CCNY: variants seen among roughly 807,000 people sequenced by gnomAD.
CCNY encodes cyclin-Y.
Under a neutral mutation model 42.8 loss-of-function variants are expected in CCNY, and 19 were observed. The ratio of observed to expected loss-of-function variants is 0.44; its 90% CI spans 0.31 to 0.65. The LOEUF (loss-of-function observed/expected upper bound fraction) is 0.65, where lower values mean the gene tolerates loss of function less well. Ranked by LOEUF, CCNY falls within the 30% of genes least tolerant of loss-of-function variation. The probability of loss-of-function intolerance (pLI) is 0.07; values close to 1 mark genes in which losing one functional copy is unlikely to be tolerated. For synonymous variants in CCNY, 165 were observed against 162.7 expected (o/e 1.01, Z -0.11); for missense variants, 370 against 437.3 (o/e 0.85, Z 1.37).
chr10:35,358,215 CT>C (rs34172111), intron 1 of CCNY, among the ~76,000 whole-genome samples: 40,855 of 135,494 alleles, frequency 0.3, 5,787 homozygotes, highest in Admixed American at 0.36. Context: ...TTAAGCAAGT[CT>C]TTTTTTTTTT....
rs973613021 is a variant in CCNY, at chr10:35,393,054, C to G, written c.154+55847C>G. On this transcript the variant is annotated intron_variant, in intron 1 of 9. Coordinates refer to ENST00000374704, the MANE Select transcript of CCNY (RefSeq NM_145012.6). ...AGTTATTTTCCATCCACTGACCCTG[C>G]TCCCTCTGCGCATTGGTGCTAAGTC... Among the ~76,000 whole-genome samples, 22 of 152,174 alleles carry G rather than the reference C, an allele frequency of 1.4e-4. 1 individual carries two copies. Among genetic ancestry groups the G allele is most frequent in the African/African-American group, 5.1e-4 (21 of 41,440 alleles).
intron 1 of CCNY, among the ~76,000 whole-genome samples, chr10:35,368,031 A>G (rs185435452): frequency 6.6e-6 from 1 of 152,238 alleles, no homozygotes; most frequent in Non-Finnish European, 1.5e-5. Context: ...ACTTAGGTGC[A>G]TATGCTAGGA....
chr10:35,261,653 C>T (rs2095719763), intron 3 of CCNY, among the ~76,000 whole-genome samples: 1 of 152,098 alleles, frequency 6.6e-6, no homozygotes. Context: ...TACAGTGAGC[C>T]ACCATGATGC....
chr10:35,510,006 C>G (rs1038054193), intron 3 of CCNY, among the ~76,000 whole-genome samples: 2 of 152,246 alleles, frequency 1.3e-5, no homozygotes, highest in African/African-American at 4.8e-5. Context: ...TTCGTTCATT[C>G]CTAGTCAAGG....
intron 1 of CCNY, among the ~76,000 whole-genome samples, chr10:35,382,972 A>G (rs1445324873): frequency 6.6e-6 from 1 of 152,242 alleles, no homozygotes; most frequent in Non-Finnish European, 1.5e-5. Context: ...TTAGTACTAC[A>G]CAGCTGACCC....
At chr10:35,550,628 G>A (rs979511726) in intron 7 of CCNY, among the ~76,000 whole-genome samples, 3 of 152,050 alleles carry the variant, frequency 2.0e-5, no homozygotes, top group Admixed American at 2.0e-4. Context: ...ATGTTTTCTT[G>A]TGCAAGAGGA....
At chr10:35,412,056 T>G (rs1411845121) in intron 1 of CCNY, among the ~76,000 whole-genome samples, 3 of 152,192 alleles carry the variant, frequency 2.0e-5, no homozygotes, top group Non-Finnish European at 4.4e-5. Context: ...TGAGACATGC[T>G]GTTCTCATGG....
intron 1 of CCNY, among the ~76,000 whole-genome samples, chr10:35,479,358 A>G (rs1839603531): frequency 1.4e-5 from 2 of 147,198 alleles, no homozygotes; most frequent in South Asian, 2.2e-4. Context: ...AACCAACCCA[A>G]ATGTCCAACA....
At chr10:35,356,817 C>T (rs184757690) in intron 1 of CCNY, among the ~76,000 whole-genome samples, 2 of 152,342 alleles carry the variant, frequency 1.3e-5, no homozygotes, top group Admixed American at 6.5e-5. Flanking sequence ...CTCTCTCTCT[C>T]TCCTTAACAG....
chr10:35,493,300 C>G, intron 2 of CCNY, among the ~76,000 whole-genome samples: 2 of 152,334 alleles, frequency 1.3e-5, no homozygotes, highest in East Asian at 1.9e-4. Context: ...ATAATTCCCC[C>G]AGGCTGGGGG....
chr10:35,485,585 T>C (rs140467540), intron 2 of CCNY, among the ~76,000 whole-genome samples: 1,578 of 151,906 alleles, frequency 0.01, 24 homozygotes, highest in African/African-American at 0.036. Flanking sequence ...ATTAGCTGGG[T>C]GTGGTGGCGG....
At chr10:35,416,277 T>C (rs1838023791) in intron 1 of CCNY, among the ~76,000 whole-genome samples, 1 of 152,028 alleles carries the variant, frequency 6.6e-6, no homozygotes, top group African/African-American at 2.4e-5. Flanking sequence ...GTAGATGTGC[T>C]GTTTAGCCAG....
chr10:35,406,886 C>T (rs1028899355), intron 1 of CCNY, among the ~76,000 whole-genome samples: 26 of 152,032 alleles, frequency 1.7e-4, no homozygotes, highest in Middle Eastern at 3.4e-3. Flanking sequence ...CCGTCCCCGT[C>T]GGGGCGGCCG....
rs116081230 is a variant in CCNY at position 35,468,284 on chromosome 10, T to A, written c.155-15120T>A. On this transcript the variant is annotated intron_variant, in intron 1 of 9. Coordinates refer to ENST00000374704, the MANE Select transcript of CCNY (RefSeq NM_145012.6). ...TGAGGGCTCTGCCCTCATGACCCAA[T>A]CACCTCCCAGAGGTGCCACCTCCAA... 4.2e-3 allele frequency among the ~76,000 whole-genome samples: 646 copies of A among 152,296 alleles called. 7 individuals carry two copies. Among genetic ancestry groups the A allele is most frequent in the African/African-American group, 0.015 (617 of 41,552 alleles).
chr10:35,426,252 C>G (rs1045875946), intron 1 of CCNY, among the ~76,000 whole-genome samples: 4 of 151,846 alleles, frequency 2.6e-5, no homozygotes, highest in Non-Finnish European at 4.4e-5. Context: ...CACACACACA[C>G]AAACACACAA....
Position 35,571,007 on chromosome 10 carries a change from A to C in CCNY, c.*1837A>C, listed in dbSNP as rs758816627. The C allele has an allele frequency of 6.6e-6, 1 of 152,320 alleles. No individual in the cohort carries two copies. Among genetic ancestry groups the C allele is most frequent in the Non-Finnish European group, 1.5e-5 (1 of 68,036 alleles). The allele number at this position is 152,320 out of a possible 1,614,324, so 9.4% of individuals were successfully genotyped here. A position where few individuals can be genotyped will look rare whatever the true frequency, so the allele number is the denominator to read the frequency against. On this transcript the variant is annotated 3_prime_UTR_variant, in exon 10 of 10. Coordinates refer to ENST00000374704, the MANE Select transcript of CCNY (RefSeq NM_145012.6). ...GTACCAAAATCACCTTCTCTCTTCAAGTCAAAGTTGAATTTAGAACTTTGA... is the reference window on the plus strand; with the variant it reads ...GTACCAAAATCACCTTCTCTCTTCACGTCAAAGTTGAATTTAGAACTTTGA...
intron 3 of CCNY, among the ~76,000 whole-genome samples, chr10:35,302,440 A>G (rs1015295168): frequency 6.7e-6 from 1 of 150,372 alleles, no homozygotes; most frequent in Admixed American, 6.7e-5. Flanking sequence ...CCTCCTGAGG[A>G]GCTGGCACTG....
chr10:35,370,847 C>G (rs954100419), intron 1 of CCNY, among the ~76,000 whole-genome samples: 2 of 151,342 alleles, frequency 1.3e-5, no homozygotes, highest in East Asian at 3.9e-4. Flanking sequence ...TCCCGAGTAG[C>G]TGAGACTACA....
intron 1 of CCNY, among the ~76,000 whole-genome samples, chr10:35,451,432 TGTC>T (rs1157910936): frequency 6.6e-6 from 1 of 152,222 alleles, no homozygotes; most frequent in Non-Finnish European, 1.5e-5. Context: ...TCATTTTCCA[TGTC>T]GTCTTAAAAT....
Sources: allele counts gnomAD v4.1 joint callset (sites outside exome capture counted in the v4.1 genomes callset), GRCh38; gene constraint gnomAD v4.1.1; transcripts MANE v1.5; gene names NCBI Gene and HGNC (gene_info 2026-07-23, HGNC 2026-07-21).